The following GALNTL6 variants were observed in gnomAD, a reference collection of about 807,000 sequenced individuals.
GALNTL6 encodes polypeptide N-acetylgalactosaminyltransferase like 6, also known as polypeptide N-acetylgalactosaminyltransferase-like 6.
A neutral mutation model predicts 73.7 loss-of-function variants in GALNTL6; 46 were observed. The ratio of observed to expected loss-of-function variants is 0.62; its 90% confidence interval spans 0.49 to 0.80. The LOEUF is 0.80. Among genes scored for constraint, GALNTL6 ranks in the 30% least tolerant of loss-of-function variants. The pLI, the probability that GALNTL6 is intolerant of heterozygous loss-of-function variation, is 0.00. For missense variants in GALNTL6, 604 were observed against 755.0 expected (o/e 0.80, Z 2.34); for synonymous variants, 259 against 263.7 (o/e 0.98, Z 0.17).
intron 5 of GALNTL6, among the ~76,000 whole-genome samples, chr4:172,690,405 C>T (rs1733197248): frequency 6.6e-6 from 1 of 152,098 alleles, no homozygotes; most frequent in Non-Finnish European, 1.5e-5. Context: ...CTGGATCAGG[C>T]CCAGTGGGGA....
chr4:172,596,063 T>G (rs889417239), intron 5 of GALNTL6, among the ~76,000 whole-genome samples: 1 of 152,222 alleles, frequency 6.6e-6, no homozygotes, highest in Non-Finnish European at 1.5e-5. Context: ...CTATTACATT[T>G]TAAATACGAC....
chr4:172,664,587 A>G (rs1731560619), intron 5 of GALNTL6, among the ~76,000 whole-genome samples: 1 of 152,200 alleles, frequency 6.6e-6, no homozygotes, highest in African/African-American at 2.4e-5. Flanking sequence ...TTACTAGGTC[A>G]TGGATCTGAG....
At chr4:172,020,208 A>G (rs1392672737) in intron 2 of GALNTL6, among the ~76,000 whole-genome samples, 1 of 152,102 alleles carries the variant, frequency 6.6e-6, no homozygotes, top group East Asian at 1.9e-4. Context: ...CCTAAATCAG[A>G]AAAGAAGAAA....
intron 9 of GALNTL6, among the ~76,000 whole-genome samples, chr4:172,949,939 A>G (rs1749362931): frequency 1.3e-5 from 2 of 151,980 alleles, no homozygotes; most frequent in Admixed American, 1.3e-4. Context: ...GAAAGAAAAG[A>G]AAAAGAAAAA....
At chr4:172,840,918 T>C (rs533488160) in intron 7 of GALNTL6, among the ~76,000 whole-genome samples, 4 of 152,176 alleles carry the variant, frequency 2.6e-5, no homozygotes, top group East Asian at 3.9e-4. Context: ...CATCCAAAGA[T>C]TGATTAAAGG....
chr4:172,317,638 AGTT>A (rs1444250722), intron 4 of GALNTL6, among the ~76,000 whole-genome samples: 2 of 152,182 alleles, frequency 1.3e-5, no homozygotes, highest in Non-Finnish European at 2.9e-5. Flanking sequence ...TACTATAAAT[AGTT>A]TTTATTTTAT....
intron 5 of GALNTL6, among the ~76,000 whole-genome samples, chr4:172,617,740 C>G (rs1485729991): frequency 6.6e-6 from 1 of 152,136 alleles, no homozygotes; most frequent in Non-Finnish European, 1.5e-5. Context: ...CTCGGCCTCC[C>G]TAAGTACTGG....
At chr4:172,545,207 G>A (rs1184309289) in intron 5 of GALNTL6, among the ~76,000 whole-genome samples, 1 of 151,996 alleles carries the variant, frequency 6.6e-6, no homozygotes, top group African/African-American at 2.4e-5. Context: ...GGGGTGGGGG[G>A]GTAACTAAGG....
chr4:172,530,763 ATAACT>A (rs1735142841), intron 5 of GALNTL6, among the ~76,000 whole-genome samples: 1 of 152,236 alleles, frequency 6.6e-6, no homozygotes, highest in African/African-American at 2.4e-5. Context: ...AAAATATTTG[ATAACT>A]TTAGTACATA....
intron 2 of GALNTL6, among the ~76,000 whole-genome samples, chr4:172,144,130 T>C (rs2110745062): frequency 6.6e-6 from 1 of 152,274 alleles, no homozygotes; most frequent in Non-Finnish European, 1.5e-5. Context: ...GATAAAGGGC[T>C]CCCCTTCCAA....
chr4:172,178,145 G>C (rs1311868641), intron 2 of GALNTL6, among the ~76,000 whole-genome samples: 2 of 151,996 alleles, frequency 1.3e-5, no homozygotes, highest in East Asian at 3.9e-4. Flanking sequence ...CCAAGCCTTG[G>C]TTTTCTCATC....
chr4:172,527,531 A>G (rs907337664), intron 5 of GALNTL6, among the ~76,000 whole-genome samples: 1 of 152,216 alleles, frequency 6.6e-6, no homozygotes, highest in African/African-American at 2.4e-5. Flanking sequence ...GCCCTCTGTG[A>G]AATAGCCCTT....
At chr4:171,948,942 A>G (rs1051302573) in intron 2 of GALNTL6, among the ~76,000 whole-genome samples, 3 of 144,324 alleles carry the variant, frequency 2.1e-5, no homozygotes, top group African/African-American at 5.2e-5. Flanking sequence ...AGTATGACAG[A>G]CTCGCAAGCC....
rs1190314142 is a variant in GALNTL6 at position 172,667,616 on chromosome 4, A to G, written c.554-141745A>G. On this transcript the variant is annotated intron_variant, in intron 5 of 12. Coordinates refer to ENST00000506823, the MANE Select transcript of GALNTL6 (RefSeq NM_001034845.3). The stretch of plus-strand genomic sequence containing the variant: ...TTCTCAGGTTTTAGAGGCTGCCCAC[A>G]TTCTTTTTGGGGTGGCATCTTCCTC... 3 of 152,430 alleles carry G rather than the reference A, an allele frequency of 2.0e-5. No homozygotes were observed. The East Asian group carries it at 5.8e-4, about 29-fold the overall frequency. The allele number at this position is 152,430 out of a possible 1,614,324, so 9.4% of individuals were successfully genotyped here. A position where few individuals can be genotyped will look rare whatever the true frequency, so the allele number is the denominator to read the frequency against.
At chr4:172,028,656 A>AC (rs1287022604) in intron 2 of GALNTL6, among the ~76,000 whole-genome samples, 3 of 152,022 alleles carry the variant, frequency 2.0e-5, no homozygotes, top group Non-Finnish European at 4.4e-5. Context: ...ATTTTCACAA[A>AC]TTTTTACTGT....
At chr4:171,907,253 CT>C (rs1737314730) in intron 2 of GALNTL6, among the ~76,000 whole-genome samples, 1 of 152,156 alleles carries the variant, frequency 6.6e-6, no homozygotes, top group East Asian at 1.9e-4. Flanking sequence ...ACCCCATTGT[CT>C]CAGCCCAAAA....
chr4:172,673,130 C>CT (rs1463172479), intron 5 of GALNTL6, among the ~76,000 whole-genome samples: 1 of 152,138 alleles, frequency 6.6e-6, no homozygotes, highest in Non-Finnish European at 1.5e-5. Flanking sequence ...ATAGATCTGT[C>CT]TAACTTTTTG....
chr4:173,014,386 G>A (rs1330511537), intron 11 of GALNTL6, among the ~76,000 whole-genome samples: 3 of 152,180 alleles, frequency 2.0e-5, no homozygotes, highest in Admixed American at 1.3e-4. Context: ...CCTTGGTCTA[G>A]TTTGGCTGTT....
chr4:172,679,358 C>T (rs1245967348), intron 5 of GALNTL6, among the ~76,000 whole-genome samples: 2 of 148,902 alleles, frequency 1.3e-5, no homozygotes, highest in Non-Finnish European at 3.0e-5. Context: ...TTGTAGTGAG[C>T]TGAGATTGCC....
Sources: allele counts gnomAD v4.1 joint callset (sites outside exome capture counted in the v4.1 genomes callset), GRCh38; gene constraint gnomAD v4.1.1; transcripts MANE v1.5; gene names NCBI Gene and HGNC (gene_info 2026-07-23, HGNC 2026-07-21).